RPS6KC1: variants seen among roughly 807,000 people sequenced by gnomAD.
RPS6KC1 encodes ribosomal protein S6 kinase C1, also known as inactive ribosomal protein S6 kinase delta-1.
In RPS6KC1, 54 loss-of-function variants were observed where a neutral mutation model predicts 103.8. The ratio of observed to expected loss-of-function variants is 0.52; its 90% CI spans 0.42 to 0.65. The LOEUF (loss-of-function observed/expected upper bound fraction) is 0.65. RPS6KC1 is among the 30% of genes least tolerant of loss of function. The pLI is 0.00. For missense variants in RPS6KC1, 1,151 were observed against 1,253.8 expected, an observed-to-expected ratio of 0.92 and a Z score of 1.24; for synonymous variants, 439 against 438.7, an observed-to-expected ratio of 1.00 and a Z score of -0.01.
At chr1:213,551,393 ACC>A in the RPS6KC1 span, among the ~76,000 whole-genome samples, 1 of 152,152 alleles carries the variant, frequency 6.6e-6, no homozygotes, top group Non-Finnish European at 1.5e-5. Context: ...CCACGGTGGT[ACC>A]TGGGTAATGT....
In RPS6KC1 at chr1:213,241,959, C is replaced by T; in HGVS notation, c.2483C>T (p.Ala828Val). Residue 828 changes from alanine (A) to valine (V), a missense_variant, in exon 11 of 15, where the codon GCT (alanine) becomes GTT (valine). By Grantham distance (64) the Ala-to-Val change is moderately conservative. Transcript: ENST00000366960. ...CGTATTTGTAGTCCACTCTCAGGTG[C>T]TAATGAATATATTGCAAGCACAGAC... is the stretch of plus-strand genomic sequence containing the variant. ...LFRICSPLSG[A>V]NEYIASTDTL... 6.2e-7 allele frequency: 1 copy of T among 1,613,962 alleles called. No individual in the cohort carries two copies. Among genetic ancestry groups the T allele is most frequent in the Non-Finnish European group, 8.5e-7 (1 of 1,179,930 alleles).
chr1:213,161,754 G>A (rs914073541), intron 6 of RPS6KC1, among the ~76,000 whole-genome samples: 1 of 152,178 alleles, frequency 6.6e-6, no homozygotes, highest in Non-Finnish European at 1.5e-5. Flanking sequence ...TGGTAGAGAT[G>A]CATTAAAGGA....
At chr1:213,521,410 G>T in the RPS6KC1 span, among the ~76,000 whole-genome samples, 3 of 152,194 alleles carry the variant, frequency 2.0e-5, no homozygotes, top group Non-Finnish European at 4.4e-5. Flanking sequence ...CTTGTAGAGG[G>T]TCTTGCCTTG....
intron 4 of RPS6KC1, among the ~76,000 whole-genome samples, chr1:213,113,959 G>A (rs1029995641): frequency 6.6e-6 from 1 of 152,132 alleles, no homozygotes; most frequent in Non-Finnish European, 1.5e-5. Flanking sequence ...TTTGGTTACT[G>A]TAGCCTTGTA....
At chr1:213,589,642 CAAAA>C in the RPS6KC1 span, among the ~76,000 whole-genome samples, 69 of 129,104 alleles carry the variant, frequency 5.3e-4, no homozygotes, top group African/African-American at 1.9e-3. Flanking sequence ...AACTCTGTTT[CAAAA>C]AAAAAAAAAA....
chr1:213,435,154 C>T, the RPS6KC1 span, among the ~76,000 whole-genome samples: 1 of 152,152 alleles, frequency 6.6e-6, no homozygotes, highest in African/African-American at 2.4e-5. Flanking sequence ...CCTGGAATGT[C>T]TATTCTGCTG....
At chr1:213,637,229 A>G in the RPS6KC1 span, among the ~76,000 whole-genome samples, 1 of 152,230 alleles carries the variant, frequency 6.6e-6, no homozygotes, top group African/African-American at 2.4e-5. Flanking sequence ...CTAGAACTAG[A>G]AATACCATTT....
chr1:213,657,464 T>C, the RPS6KC1 span, among the ~76,000 whole-genome samples: 1 of 152,130 alleles, frequency 6.6e-6, no homozygotes, highest in African/African-American at 2.4e-5. Flanking sequence ...TTTAAAAAAA[T>C]ATTTTTTTGC....
the RPS6KC1 span, among the ~76,000 whole-genome samples, chr1:213,376,971 T>C: frequency 6.6e-6 from 1 of 152,210 alleles, no homozygotes; most frequent in African/African-American, 2.4e-5. Context: ...TCTCAATCTG[T>C]GTAACATTCC....
the RPS6KC1 span, among the ~76,000 whole-genome samples, chr1:213,305,679 G>T: frequency 6.6e-6 from 1 of 152,146 alleles, no homozygotes; most frequent in East Asian, 1.9e-4. Context: ...CAATTAGATG[G>T]CATCAGTGTT....
At chr1:213,441,195 A>G in the RPS6KC1 span, among the ~76,000 whole-genome samples, 1 of 152,350 alleles carries the variant, frequency 6.6e-6, no homozygotes, top group African/African-American at 2.4e-5. Flanking sequence ...AGGAAAGTCT[A>G]CGAAATTCTC....
intron 8 of RPS6KC1, among the ~76,000 whole-genome samples, chr1:213,183,944 G>A (rs1296044615): frequency 6.6e-6 from 1 of 152,062 alleles, no homozygotes; most frequent in Non-Finnish European, 1.5e-5. Flanking sequence ...TATGGATCTT[G>A]CCTACATCAA....
At chr1:213,818,045 G>A in the RPS6KC1 span, 1 of 152,160 alleles carries the variant, frequency 6.6e-6, no homozygotes, top group Non-Finnish European at 1.5e-5. Context: ...ACATATGACA[G>A]CAAACTTAAT....
the RPS6KC1 span, among the ~76,000 whole-genome samples, chr1:213,469,167 C>T: frequency 2.0e-5 from 3 of 152,032 alleles, no homozygotes; most frequent in Non-Finnish European, 2.9e-5. Flanking sequence ...TCTCCAACTC[C>T]GAACACAGCC....
At chr1:213,447,624 GT>G in the RPS6KC1 span, among the ~76,000 whole-genome samples, 1 of 152,126 alleles carries the variant, frequency 6.6e-6, no homozygotes, top group Non-Finnish European at 1.5e-5. Flanking sequence ...GATGACATGG[GT>G]TTAGCTGAAT....
chr1:213,641,526 G>A, the RPS6KC1 span, among the ~76,000 whole-genome samples: 1 of 152,064 alleles, frequency 6.6e-6, no homozygotes, highest in Non-Finnish European at 1.5e-5. Context: ...TCTGTCCCAT[G>A]TGTGTAGTAC....
At chr1:213,684,724 A>G in the RPS6KC1 span, among the ~76,000 whole-genome samples, 1 of 152,244 alleles carries the variant, frequency 6.6e-6, no homozygotes, top group South Asian at 2.1e-4. Context: ...ACCAGCCAGC[A>G]CAATGAAGTG....
the RPS6KC1 span, among the ~76,000 whole-genome samples, chr1:213,714,112 T>G: frequency 6.6e-6 from 1 of 152,264 alleles, no homozygotes. Flanking sequence ...TCTCAATTCG[T>G]TATCTCTGTG....
downstream of RPS6KC1, among the ~76,000 whole-genome samples, chr1:213,278,637 C>A (rs2095117066): frequency 1.3e-5 from 2 of 152,200 alleles, no homozygotes; most frequent in Non-Finnish European, 2.9e-5. Flanking sequence ...TCTTCATCCA[C>A]CCCTCCCTCC....
Sources: gnomAD v4.1 joint callset for allele counts (sites outside exome capture counted in the v4.1 genomes callset) on GRCh38, gnomAD v4.1.1 for gene constraint, MANE v1.5 for transcripts, NCBI Gene and HGNC (gene_info 2026-07-23, HGNC 2026-07-21) for gene names.